Variants in ZBTB7C observed in about 807,000 individuals in gnomAD.
ZBTB7C encodes the protein zinc finger and BTB domain-containing protein 7C.
ZBTB7C carries 8 observed loss-of-function variants against 25.7 expected under a neutral mutation model. That is an observed-to-expected ratio of 0.31 (90% confidence interval 0.18 to 0.56). ZBTB7C has a LOEUF of 0.56. Ranked by LOEUF, ZBTB7C falls within the 20% of genes least tolerant of loss-of-function variation. The pLI is 0.91. For missense variants in ZBTB7C, 824 were observed against 855.2 expected, an observed-to-expected ratio of 0.96 and a Z score of 0.46; for synonymous variants, 394 against 369.0, an observed-to-expected ratio of 1.07 and a Z score of -0.78.
intron 2 of ZBTB7C, among the ~76,000 whole-genome samples, chr18:48,278,329 C>T (rs1327221887): frequency 6.6e-6 from 1 of 152,230 alleles, no homozygotes; most frequent in African/African-American, 2.4e-5. Context: ...AGAGCATCTC[C>T]AAGGCCCCAG....
At chr18:48,375,150 T>G (rs2047489421) in intron 1 of ZBTB7C, among the ~76,000 whole-genome samples, 1 of 152,214 alleles carries the variant, frequency 6.6e-6, no homozygotes, top group Non-Finnish European at 1.5e-5. Flanking sequence ...TTGTGTGCAC[T>G]CCCCCTACCC....
chr18:48,039,024 G>A (rs535458210), intron 4 of ZBTB7C, among the ~76,000 whole-genome samples: 92 of 152,314 alleles, frequency 6.0e-4, no homozygotes, highest in African/African-American at 2.0e-3. Context: ...CTGACCCCAC[G>A]TCAACCCGCC....
chr18:48,085,267 G>C (rs1046249070), intron 3 of ZBTB7C, among the ~76,000 whole-genome samples: 1 of 152,142 alleles, frequency 6.6e-6, no homozygotes. Context: ...CTGGGGAGAG[G>C]AGGGTGAGCA....
chr18:48,283,325 T>C (rs569700758), intron 2 of ZBTB7C, among the ~76,000 whole-genome samples: 44 of 152,326 alleles, frequency 2.9e-4, no homozygotes, highest in African/African-American at 9.9e-4. Flanking sequence ...AAATGTTTAA[T>C]GAGAGGATTA....
chr18:48,223,656 G>T (rs2145310149), intron 2 of ZBTB7C, among the ~76,000 whole-genome samples: 1 of 152,306 alleles, frequency 6.6e-6, no homozygotes, highest in East Asian at 1.9e-4. Flanking sequence ...ATACAAAGAG[G>T]TGGCCAGGAG....
chr18:48,123,102 C>T (rs1244123396), intron 3 of ZBTB7C, among the ~76,000 whole-genome samples: 1 of 152,170 alleles, frequency 6.6e-6, no homozygotes, highest in African/African-American at 2.4e-5. Context: ...CCCCCAGACA[C>T]AGAGAGCAAG....
At chr18:48,103,705 TG>T (rs372385557) in intron 3 of ZBTB7C, among the ~76,000 whole-genome samples, 4 of 152,130 alleles carry the variant, frequency 2.6e-5, no homozygotes, top group African/African-American at 9.7e-5. Flanking sequence ...AACTGGTGAA[TG>T]GATAAACAAA....
chr18:48,200,644 GTCC>G (rs747063537), intron 2 of ZBTB7C, among the ~76,000 whole-genome samples: 1 of 152,156 alleles, frequency 6.6e-6, no homozygotes, highest in Non-Finnish European at 1.5e-5. Context: ...CAGGAAATGG[GTCC>G]TTGTATTGAG....
chr18:48,190,732 G>A (rs1335014969), intron 2 of ZBTB7C, among the ~76,000 whole-genome samples: 2 of 152,198 alleles, frequency 1.3e-5, no homozygotes, highest in East Asian at 1.9e-4. Context: ...CAGAGAGGCA[G>A]GCCCTGAGCT....
intron 3 of ZBTB7C, among the ~76,000 whole-genome samples, chr18:48,073,506 G>A (rs2037634382): frequency 1.3e-5 from 2 of 152,112 alleles, no homozygotes; most frequent in Admixed American, 6.5e-5. Flanking sequence ...AGAGTCCCCG[G>A]GGCTGGGACA....
chr18:48,215,679 A>G (rs993200244), intron 2 of ZBTB7C, among the ~76,000 whole-genome samples: 7 of 152,200 alleles, frequency 4.6e-5, no homozygotes, highest in Non-Finnish European at 7.3e-5. Context: ...CTTAGAGGCA[A>G]TAGATGGCAA....
At chr18:48,240,761 A>AGGGTC (rs2043501751) in intron 2 of ZBTB7C, among the ~76,000 whole-genome samples, 1 of 152,182 alleles carries the variant, frequency 6.6e-6, no homozygotes, top group Non-Finnish European at 1.5e-5. Flanking sequence ...CATAAATCTC[A>AGGGTC]GGGTCTATAA....
At chr18:48,222,589 T>C (rs1300832278) in intron 2 of ZBTB7C, among the ~76,000 whole-genome samples, 1 of 152,168 alleles carries the variant, frequency 6.6e-6, no homozygotes, top group Non-Finnish European at 1.5e-5. Context: ...ACTTGCCTGC[T>C]GCCTCCCAAA....
chr18:48,410,171 C>G (rs2048367253), upstream of ZBTB7C, among the ~76,000 whole-genome samples: 1 of 152,216 alleles, frequency 6.6e-6, no homozygotes, highest in Non-Finnish European at 1.5e-5. Context: ...CAAATGCTCT[C>G]GGCACTCCAG....
chr18:48,380,704 G>A (rs1387109657), intron 1 of ZBTB7C, among the ~76,000 whole-genome samples: 1 of 152,068 alleles, frequency 6.6e-6, no homozygotes, highest in African/African-American at 2.4e-5. Context: ...ATCCCGATGG[G>A]ATCCTGAAAC....
intron 3 of ZBTB7C, among the ~76,000 whole-genome samples, chr18:48,129,262 T>C (rs747127400): frequency 1.3e-5 from 2 of 150,326 alleles, no homozygotes; most frequent in Non-Finnish European, 3.0e-5. Context: ...ACACTCAGGG[T>C]GGCTTCATAA....
intron 2 of ZBTB7C, among the ~76,000 whole-genome samples, chr18:48,234,800 T>C (rs964984565): frequency 1.3e-5 from 2 of 152,182 alleles, no homozygotes; most frequent in Non-Finnish European, 2.9e-5. Context: ...TATTTAAATC[T>C]CCTGCTCATG....
At chr18:48,254,573 C>T (rs1049684812) in intron 2 of ZBTB7C, among the ~76,000 whole-genome samples, 5 of 152,134 alleles carry the variant, frequency 3.3e-5, no homozygotes, top group Non-Finnish European at 5.9e-5. Flanking sequence ...TTAAACTTTC[C>T]GCTCCTTACC....
chr18:48,297,167 A>G (rs1252407149), intron 2 of ZBTB7C, among the ~76,000 whole-genome samples: 1 of 152,220 alleles, frequency 6.6e-6, no homozygotes, highest in African/African-American at 2.4e-5. Context: ...TCTCTCCTAC[A>G]CAAAGAGTGG....
Sources: allele counts gnomAD v4.1 joint callset (sites outside exome capture counted in the v4.1 genomes callset), GRCh38; gene constraint gnomAD v4.1.1; transcripts MANE v1.5; gene names NCBI Gene and HGNC (gene_info 2026-07-23, HGNC 2026-07-21).